The following SDK1 variants were observed in gnomAD, a reference collection of about 807,000 sequenced individuals.
SDK1 encodes the protein protein sidekick-1.
A neutral mutation model predicts 245.5 loss-of-function variants in SDK1; 157 were observed. The ratio of observed to expected loss-of-function variants is 0.64; its 90% CI spans 0.56 to 0.73. The LOEUF (loss-of-function observed/expected upper bound fraction) is 0.73, where lower values mean the gene tolerates loss of function less well. Among genes scored for constraint, SDK1 ranks in the 30% least tolerant of loss-of-function variants. SDK1 has a pLI of 0.00. For synonymous variants in SDK1, 1,647 were observed against 1,278.5 expected (o/e 1.29, Z -6.15); for missense variants, 3,583 against 3,002.3 (o/e 1.19, Z -4.52).
At chr7:4,139,937 C>T (rs1214649318) in intron 28 of SDK1, among the ~76,000 whole-genome samples, 2 of 152,042 alleles carry the variant, frequency 1.3e-5, no homozygotes, top group African/African-American at 4.8e-5. Context: ...GGGCAGGGCC[C>T]CAGGCCTCCC....
intron 19 of SDK1, among the ~76,000 whole-genome samples, chr7:4,064,124 T>G (rs1348909613): frequency 6.6e-6 from 1 of 151,980 alleles, no homozygotes; most frequent in Non-Finnish European, 1.5e-5. Context: ...AAGGAAATGG[T>G]AAACAGAGTG....
chr7:3,494,559 A>G (rs1233465184), intron 1 of SDK1, among the ~76,000 whole-genome samples: 1 of 152,346 alleles, frequency 6.6e-6, no homozygotes, highest in East Asian at 1.9e-4. Context: ...GTGTGGGATG[A>G]TTGAATTAGC....
At chr7:3,409,281 T>G (rs1036583905) in intron 1 of SDK1, among the ~76,000 whole-genome samples, 1 of 143,216 alleles carries the variant, frequency 7.0e-6, no homozygotes, top group Non-Finnish European at 1.5e-5. Flanking sequence ...ATGGTCTGTT[T>G]TAAGATTCTA....
At position 3,493,373 on chromosome 7, in the gene SDK1, G is replaced by A. The variant is rs540943881; in HGVS notation, c.299-125707G>A. On this transcript the variant is annotated intron_variant, in intron 1 of 44. Transcript: ENST00000404826. ...TCAGTTTTTAATCTTTAAGTCCAGA[G>A]CTCAGTCCATTGATTTACTGTATTC... Among the ~76,000 whole-genome samples, 8 of 152,258 alleles carry A rather than the reference G, an allele frequency of 5.3e-5. No individual in the cohort carries two copies. In the South Asian group the frequency reaches 1.5e-3, roughly 28 times the overall value.
At chr7:3,983,776 A>T (rs1406658309) in intron 13 of SDK1, among the ~76,000 whole-genome samples, 1 of 152,178 alleles carries the variant, frequency 6.6e-6, no homozygotes, top group Admixed American at 6.5e-5. Flanking sequence ...ACTGGGAAAA[A>T]TCAATATTTC....
At chr7:3,680,127 A>ACTTGGCTGG (rs1230950319) in intron 4 of SDK1, among the ~76,000 whole-genome samples, 1 of 152,220 alleles carries the variant, frequency 6.6e-6, no homozygotes, top group Non-Finnish European at 1.5e-5. Context: ...TGAATGAATG[A>ACTTGGCTGG]ACCAGGCAAC....
chr7:3,309,117 A>G (rs893197081), intron 1 of SDK1, among the ~76,000 whole-genome samples: 2 of 152,102 alleles, frequency 1.3e-5, no homozygotes, highest in Non-Finnish European at 2.9e-5. Context: ...AGGTGGTAGT[A>G]TTTGTGAGTC....
At chr7:3,833,388 G>GGT (rs1779957282) in intron 5 of SDK1, among the ~76,000 whole-genome samples, 1 of 152,130 alleles carries the variant, frequency 6.6e-6, no homozygotes, top group Non-Finnish European at 1.5e-5. Flanking sequence ...GTCACTCTGT[G>GGT]GTTCTATTAA....
intron 1 of SDK1, among the ~76,000 whole-genome samples, chr7:3,522,464 C>T (rs1202886920): frequency 6.6e-6 from 1 of 152,142 alleles, no homozygotes; most frequent in East Asian, 1.9e-4. Flanking sequence ...CTTAAAATAA[C>T]TCACGTACAT....
intron 4 of SDK1, among the ~76,000 whole-genome samples, chr7:3,747,774 A>G (rs1233579458): frequency 1.3e-5 from 2 of 151,856 alleles, no homozygotes; most frequent in African/African-American, 2.4e-5. Context: ...GAGGAGTGGT[A>G]AGAGGCAGGG....
At chr7:3,664,201 G>C (rs1294089673) in intron 4 of SDK1, among the ~76,000 whole-genome samples, 1 of 152,128 alleles carries the variant, frequency 6.6e-6, no homozygotes, top group Non-Finnish European at 1.5e-5. Context: ...CTTGAAGGGA[G>C]TGTAAAGCAT....
chr7:3,727,991 T>C (rs1465293898), intron 4 of SDK1, among the ~76,000 whole-genome samples: 1 of 152,180 alleles, frequency 6.6e-6, no homozygotes, highest in African/African-American at 2.4e-5. Flanking sequence ...TCGTTCTTGA[T>C]GATCTTGACA....
intron 1 of SDK1, among the ~76,000 whole-genome samples, chr7:3,419,124 C>T (rs1779464326): frequency 1.3e-5 from 2 of 152,276 alleles, no homozygotes; most frequent in South Asian, 4.1e-4. Context: ...TCAGTTGAAA[C>T]CTGTGTTGTT....
At chr7:4,094,318 T>C (rs1245689231) in intron 22 of SDK1, among the ~76,000 whole-genome samples, 1 of 152,176 alleles carries the variant, frequency 6.6e-6, no homozygotes, top group Non-Finnish European at 1.5e-5. Context: ...CACCTCGGCC[T>C]CCCAAAGTGC....
intron 25 of SDK1, 137 bp from the exon 26 acceptor site, chr7:4,127,244 G>A (rs983931223): frequency 2.9e-6 from 2 of 694,840 alleles, no homozygotes; most frequent in Non-Finnish European, 5.3e-6. Flanking sequence ...ACTCCTGTAG[G>A]TTTAATCTGA....
chr7:3,396,478 T>C (rs996460093), intron 1 of SDK1, among the ~76,000 whole-genome samples: 1 of 151,848 alleles, frequency 6.6e-6, no homozygotes. Context: ...TTATTGAAAA[T>C]TGAAATGTTC....
intron 1 of SDK1, among the ~76,000 whole-genome samples, chr7:3,555,044 A>G (rs919840005): frequency 6.6e-6 from 1 of 152,226 alleles, no homozygotes; most frequent in East Asian, 1.9e-4. Context: ...ATCCCTATCA[A>G]AATACCCATG....
chr7:3,552,259 G>C (rs191315184), intron 1 of SDK1, among the ~76,000 whole-genome samples: 10 of 152,116 alleles, frequency 6.6e-5, no homozygotes, highest in Admixed American at 1.3e-4. Context: ...GGATGGTCTC[G>C]ATCGATCTCC....
intron 1 of SDK1, among the ~76,000 whole-genome samples, chr7:3,372,336 C>T (rs1370751528): frequency 6.6e-6 from 1 of 152,154 alleles, no homozygotes; most frequent in Admixed American, 6.5e-5. Flanking sequence ...GGTCATCCAA[C>T]AGAAAATGTA....
Sources: gnomAD v4.1 joint callset for allele counts (sites outside exome capture counted in the v4.1 genomes callset) on GRCh38, gnomAD v4.1.1 for gene constraint, MANE v1.5 for transcripts, NCBI Gene and HGNC (gene_info 2026-07-23, HGNC 2026-07-21) for gene names.